WWOX: variants seen among roughly 807,000 people sequenced by gnomAD.
The protein encoded by WWOX is WW domain containing oxidoreductase, also known as WW domain-containing oxidoreductase.
Under a neutral mutation model 46.2 loss-of-function variants are expected in WWOX, and 69 were observed. The ratio of observed to expected loss-of-function variants is 1.49; its 90% CI spans 1.23 to 1.82. WWOX has a LOEUF of 1.82. Ranked by LOEUF, WWOX falls within the 40% of genes most tolerant of loss-of-function variation. WWOX has a pLI of 0.00. For missense variants in WWOX, 919 were observed against 542.6 expected (o/e 1.69, Z -6.89); for synonymous variants, 359 against 202.6 (o/e 1.77, Z -6.56).
chr16:78,684,275 G>A lies in WWOX; in HGVS notation c.1056+251523G>A, dbSNP rs544153900. 1.2e-4 allele frequency among the ~76,000 whole-genome samples: 19 copies of A among 152,190 alleles called. No homozygotes were observed. In the South Asian group the frequency reaches 3.1e-3, roughly 25 times the overall value. On this transcript the variant is annotated intron_variant, in intron 8 of 8. Transcript: ENST00000566780. ...TTGGCTCATGTATGATTGGACCTGC[G>A]GTCTGTCCAGGTGTACTCAGAGTGG...
At chr16:78,479,090 C>T (rs2084425524) in intron 8 of WWOX, among the ~76,000 whole-genome samples, 1 of 152,058 alleles carries the variant, frequency 6.6e-6, no homozygotes, top group African/African-American at 2.4e-5. Context: ...TTACTGTTTT[C>T]CTGAATGTAG....
chr16:79,120,971 G>T (rs1205441598), intron 8 of WWOX, among the ~76,000 whole-genome samples: 1 of 152,158 alleles, frequency 6.6e-6, no homozygotes, highest in Non-Finnish European at 1.5e-5. Flanking sequence ...GTTTCACCAT[G>T]TTGGCCAGGC....
At position 78,339,304 on chromosome 16, in the gene WWOX, A is replaced by T. The variant is rs761452103; in HGVS notation, c.517-47556A>T. 1.8e-4 allele frequency among the ~76,000 whole-genome samples: 20 copies of T among 111,212 alleles called. 7 individuals are homozygous for T. Among genetic ancestry groups the T allele is most frequent in the Middle Eastern group, 8.5e-3 (2 of 234 alleles). 73.0% of individuals were successfully genotyped at this position (111,212 alleles called of 152,430 possible). ...TTTTTAGAAATTTGCTGAGTTTGTG[A>T]TGTACCTATCATTCAACCTCAAACT... On this transcript the variant is annotated intron_variant, in intron 5 of 8. Coordinates refer to ENST00000566780, the MANE Select transcript of WWOX (RefSeq NM_016373.4).
At chr16:79,170,844 G>C (rs1228022774) in intron 8 of WWOX, among the ~76,000 whole-genome samples, 1 of 152,110 alleles carries the variant, frequency 6.6e-6, no homozygotes, top group Non-Finnish European at 1.5e-5. Flanking sequence ...AGGTTTGAGG[G>C]TGATAGCTCG....
intron 8 of WWOX, among the ~76,000 whole-genome samples, chr16:78,673,456 A>G (rs971781893): frequency 4.6e-5 from 7 of 152,184 alleles, no homozygotes; most frequent in African/African-American, 7.2e-5. Flanking sequence ...CACCAGCACC[A>G]TAACACGAAA....
chr16:78,230,550 G>A (rs541154381), intron 5 of WWOX, among the ~76,000 whole-genome samples: 17 of 152,316 alleles, frequency 1.1e-4, no homozygotes, highest in Admixed American at 2.6e-4. Context: ...GCTGTTAGGC[G>A]TCTTCAAGTT....
intron 8 of WWOX, among the ~76,000 whole-genome samples, chr16:78,748,852 A>G (rs2049411646): frequency 3.9e-5 from 6 of 152,256 alleles, no homozygotes; most frequent in African/African-American, 2.4e-5. Context: ...TATCTTAAGT[A>G]GGAAGGAGCA....
At chr16:78,728,039 C>T (rs1327546342) in intron 8 of WWOX, among the ~76,000 whole-genome samples, 1 of 137,338 alleles carries the variant, frequency 7.3e-6, no homozygotes, top group African/African-American at 2.7e-5. Flanking sequence ...CTTCCTCTTT[C>T]CTCTCTCCCT....
At chr16:79,057,324 C>G (rs938413097) in intron 8 of WWOX, among the ~76,000 whole-genome samples, 2 of 152,178 alleles carry the variant, frequency 1.3e-5, no homozygotes, top group South Asian at 2.1e-4. Context: ...AATCAGTGGA[C>G]TAGAATTTGG....
intron 5 of WWOX, chr16:78,266,087 G>C (rs2079356107): frequency 6.6e-6 from 1 of 152,154 alleles, no homozygotes; most frequent in South Asian, 2.1e-4. Context: ...GCATCAAACT[G>C]TCTCTGATAT....
chr16:78,617,257 G>C (rs2046048441), intron 8 of WWOX, among the ~76,000 whole-genome samples: 1 of 151,892 alleles, frequency 6.6e-6, no homozygotes, highest in African/African-American at 2.4e-5. Flanking sequence ...AAAATATTAG[G>C]TGGGCGTGGT....
chr16:79,154,249 G>T (rs960335578), intron 8 of WWOX, among the ~76,000 whole-genome samples: 1 of 152,192 alleles, frequency 6.6e-6, no homozygotes, highest in African/African-American at 2.4e-5. Context: ...AGTGTCCTCT[G>T]CCCTGGACAC....
intron 8 of WWOX, among the ~76,000 whole-genome samples, chr16:78,611,086 C>A (rs1470419171): frequency 1.3e-5 from 2 of 152,180 alleles, no homozygotes; most frequent in South Asian, 4.1e-4. Flanking sequence ...ATGTATATCC[C>A]AGTGTGTGTG....
intron 8 of WWOX, among the ~76,000 whole-genome samples, chr16:78,707,301 T>C (rs1362279861): frequency 2.0e-5 from 3 of 152,234 alleles, no homozygotes; most frequent in Non-Finnish European, 4.4e-5. Context: ...CAAAAATCTC[T>C]ACATTTCTCA....
At chr16:78,420,372 C>T (rs2082895168) in intron 6 of WWOX, among the ~76,000 whole-genome samples, 2 of 152,168 alleles carry the variant, frequency 1.3e-5, no homozygotes, top group African/African-American at 4.8e-5. Context: ...ATCCAAATAT[C>T]CATCATTGGT....
intron 8 of WWOX, among the ~76,000 whole-genome samples, chr16:78,710,498 A>ATATATATATATATTTTTT (rs941311575): frequency 1.5e-5 from 2 of 132,836 alleles, no homozygotes; most frequent in African/African-American, 5.7e-5. Context: ...ATATATATAT[A>ATATATATATATATTTTTT]TTTATATAAA....
At chr16:78,732,543 T>C (rs139434697) in intron 8 of WWOX, among the ~76,000 whole-genome samples, 227 of 152,280 alleles carry the variant, frequency 1.5e-3, no homozygotes, top group African/African-American at 5.2e-3. Context: ...GAATAGCGCA[T>C]GTGGTAGATT....
intron 8 of WWOX, among the ~76,000 whole-genome samples, chr16:78,753,157 G>A (rs1274525470): frequency 2.6e-5 from 4 of 151,974 alleles, no homozygotes; most frequent in Non-Finnish European, 5.9e-5. Flanking sequence ...AAAATTAGCC[G>A]GGCGTGGGGG....
chr16:79,045,113 GTTCA>G (rs1364396377), intron 8 of WWOX, among the ~76,000 whole-genome samples: 1 of 152,150 alleles, frequency 6.6e-6, no homozygotes, highest in Non-Finnish European at 1.5e-5. Context: ...TTAGGCATTC[GTTCA>G]TTCATTTATT....
Sources: allele counts gnomAD v4.1 joint callset (sites outside exome capture counted in the v4.1 genomes callset), GRCh38; gene constraint gnomAD v4.1.1; transcripts MANE v1.5; gene names NCBI Gene and HGNC (gene_info 2026-07-23, HGNC 2026-07-21).